The following DAB1 variants were observed in gnomAD, a reference collection of about 807,000 sequenced individuals.
DAB1 encodes the protein disabled homolog 1.
DAB1 carries 15 observed loss-of-function variants against 64.6 expected under a neutral mutation model. The observed-to-expected ratio is 0.23, with a 90% CI of 0.16 to 0.36. The LOEUF (loss-of-function observed/expected upper bound fraction) is 0.36, where lower values mean the gene tolerates loss of function less well. DAB1 is among the 10% of genes least tolerant of loss of function. The pLI is 1.00. For missense variants in DAB1, 596 were observed against 706.7 expected (o/e 0.84, Z 1.78); for synonymous variants, 235 against 251.9 (o/e 0.93, Z 0.64).
chr1:58,490,947 A>G (rs1221874457), intron 3 of DAB1, among the ~76,000 whole-genome samples: 2 of 151,372 alleles, frequency 1.3e-5, no homozygotes, highest in African/African-American at 2.4e-5. Context: ...CTGGGACTAC[A>G]GGCACCCGCT....
At chr1:57,096,849 C>T (rs1244737606) in intron 4 of DAB1, among the ~76,000 whole-genome samples, 1 of 152,156 alleles carries the variant, frequency 6.6e-6, no homozygotes, top group Non-Finnish European at 1.5e-5. Flanking sequence ...ATAAATAATA[C>T]AATGCCTATT....
chr1:58,058,575 T>C (rs1272246361), intron 5 of DAB1, among the ~76,000 whole-genome samples: 1 of 152,156 alleles, frequency 6.6e-6, no homozygotes, highest in Admixed American at 6.5e-5. Context: ...ACTGAGACCA[T>C]CCGGGGGCTT....
intron 6 of DAB1, among the ~76,000 whole-genome samples, chr1:57,738,127 G>A (rs1197914137): frequency 6.6e-6 from 1 of 152,130 alleles, no homozygotes; most frequent in African/African-American, 2.4e-5. Context: ...TTAAATCCTG[G>A]CCCTATCCTA....
chr1:57,903,836 C>T (rs112050320), intron 5 of DAB1, among the ~76,000 whole-genome samples: 2 of 152,092 alleles, frequency 1.3e-5, no homozygotes, highest in African/African-American at 4.8e-5. Context: ...TACCAGAGGA[C>T]GGGGAGGAGA....
intron 7 of DAB1, among the ~76,000 whole-genome samples, chr1:57,622,642 A>C (rs1162499034): frequency 6.6e-6 from 1 of 152,196 alleles, no homozygotes; most frequent in African/African-American, 2.4e-5. Context: ...GACCAAGATC[A>C]CACAGCTATG....
intron 5 of DAB1, among the ~76,000 whole-genome samples, chr1:57,966,605 T>C (rs1251012554): frequency 2.6e-5 from 4 of 152,260 alleles, no homozygotes; most frequent in Admixed American, 6.5e-5. Flanking sequence ...AAATAACACA[T>C]TGTTATTTTA....
At chr1:57,808,775 T>C (rs537558925) in intron 6 of DAB1, among the ~76,000 whole-genome samples, 4 of 152,340 alleles carry the variant, frequency 2.6e-5, no homozygotes, top group Admixed American at 6.5e-5. Flanking sequence ...CTCATTTGAT[T>C]CTACTCCAAT....
At chr1:57,909,964 G>A (rs1644616018) in intron 5 of DAB1, among the ~76,000 whole-genome samples, 1 of 152,188 alleles carries the variant, frequency 6.6e-6, no homozygotes, top group Non-Finnish European at 1.5e-5. Context: ...GATGCAGCTT[G>A]ATCCCAACTT....
At chr1:58,082,599 CA>C (rs1459976951) in intron 5 of DAB1, among the ~76,000 whole-genome samples, 2 of 152,110 alleles carry the variant, frequency 1.3e-5, no homozygotes, top group African/African-American at 4.8e-5. Flanking sequence ...TGGAGAGCAG[CA>C]TCACAGGAAA....
At chr1:57,379,561 A>G (rs1681189411) in intron 1 of DAB1, among the ~76,000 whole-genome samples, 1 of 152,198 alleles carries the variant, frequency 6.6e-6, no homozygotes. Flanking sequence ...TGCCAGACCA[A>G]CAGTTTGATC....
chr1:58,430,245 CTT>C (rs1644857809), intron 3 of DAB1, among the ~76,000 whole-genome samples: 1 of 152,192 alleles, frequency 6.6e-6, no homozygotes, highest in African/African-American at 2.4e-5. Context: ...AATAAGGTAA[CTT>C]ATGTGAAAAG....
intron 4 of DAB1, among the ~76,000 whole-genome samples, chr1:58,181,288 C>A (rs990756622): frequency 2.4e-4 from 36 of 152,204 alleles, no homozygotes; most frequent in African/African-American, 8.2e-4. Context: ...TGGTTGTTTG[C>A]ATGGTATATC....
At chr1:57,823,571 A>G (rs1012224574), downstream of DAB1, among the ~76,000 whole-genome samples, 1 of 152,164 alleles carries the variant, frequency 6.6e-6, no homozygotes, top group African/African-American at 2.4e-5. Flanking sequence ...TGTGGCTAAG[A>G]CTACCAGCTT....
intron 1 of DAB1, among the ~76,000 whole-genome samples, chr1:57,862,034 A>G (rs1220477606): frequency 1.3e-5 from 2 of 152,102 alleles, no homozygotes; most frequent in East Asian, 3.9e-4. Flanking sequence ...TTAATTGACT[A>G]CAATGGAAAA....
chr1:57,893,879 T>C (rs142166256), intron 5 of DAB1, among the ~76,000 whole-genome samples: 1 of 151,826 alleles, frequency 6.6e-6, no homozygotes, highest in Non-Finnish European at 1.5e-5. Context: ...ATCTCAGGAG[T>C]TGTTTGAGAG....
intron 1 of DAB1, among the ~76,000 whole-genome samples, chr1:57,324,857 G>C (rs267644): frequency 0.8 from 121,037 of 152,082 alleles, 48,441 homozygotes; most frequent in East Asian, 1. Context: ...GCCTGCAAAG[G>C]ACAAAGAGTT....
chr1:58,222,424 G>A (rs1659224347), intron 4 of DAB1, among the ~76,000 whole-genome samples: 1 of 152,100 alleles, frequency 6.6e-6, no homozygotes, highest in African/African-American at 2.4e-5. Context: ...TTCACTTCCT[G>A]GGCACTAACA....
intron 3 of DAB1, among the ~76,000 whole-genome samples, chr1:58,441,949 G>A (rs1341823176): frequency 1.3e-5 from 2 of 152,130 alleles, no homozygotes; most frequent in Non-Finnish European, 2.9e-5. Context: ...CCGAGGGGGC[G>A]AGGGAGACTG....
chr1:58,495,159 T>C (rs894578497), intron 3 of DAB1, among the ~76,000 whole-genome samples: 18 of 152,102 alleles, frequency 1.2e-4, no homozygotes, highest in South Asian at 2.1e-4. Context: ...CTCAGCAAAC[T>C]ATTGCAAGGA....
Sources: allele counts gnomAD v4.1 joint callset (sites outside exome capture counted in the v4.1 genomes callset), GRCh38; gene constraint gnomAD v4.1.1; transcripts MANE v1.5; gene names NCBI Gene and HGNC (gene_info 2026-07-23, HGNC 2026-07-21).